The following TNFRSF1B variants were observed in gnomAD, a reference collection of about 807,000 sequenced individuals.
TNFRSF1B encodes the protein tumor necrosis factor receptor superfamily member 1B.
In TNFRSF1B, 19 loss-of-function variants were observed where a neutral mutation model predicts 44.6. The ratio of observed to expected loss-of-function variants is 0.43; its 90% CI spans 0.30 to 0.62. TNFRSF1B has a LOEUF of 0.62. Ranked by LOEUF, TNFRSF1B falls within the 20% of genes least tolerant of loss-of-function variation. The pLI is 0.16. For synonymous variants in TNFRSF1B, 252 were observed against 261.1 expected, an observed-to-expected ratio of 0.97 and a Z score of 0.34; for missense variants, 541 against 619.9, an observed-to-expected ratio of 0.87 and a Z score of 1.35.
At chr1:12,172,254 C>A (rs1402292473) in intron 1 of TNFRSF1B, among the ~76,000 whole-genome samples, 1 of 152,232 alleles carries the variant, frequency 6.6e-6, no homozygotes, top group Non-Finnish European at 1.5e-5. Context: ...GGAAGCAGCA[C>A]TGATGACTCT....
intron 4 of TNFRSF1B, 33 bp from the exon 5 acceptor site, chr1:12,192,398 G>T: frequency 6.2e-7 from 1 of 1,609,184 alleles, no homozygotes; most frequent in Non-Finnish European, 8.5e-7. Context: ...CAGAGTGTCT[G>T]AGTGGTTGAC....
intron 9 of TNFRSF1B, among the ~76,000 whole-genome samples, chr1:12,203,866 A>G (rs1307662420): frequency 6.6e-6 from 1 of 152,096 alleles, no homozygotes; most frequent in African/African-American, 2.4e-5. Flanking sequence ...AGTAGGCGGG[A>G]TTACAGGCAT....
In TNFRSF1B at chr1:12,206,702, C is replaced by T. The variant is rs773764020; in HGVS notation, c.1106-38C>T. ...GGGGTCCCTGGGCCCCACTCCTGGA[C>T]CCCCGGACTGACCCCCACCCCATCT... On this transcript the variant is annotated intron_variant, in intron 9 of 9. Coordinates refer to ENST00000376259, the MANE Select transcript of TNFRSF1B (RefSeq NM_001066.3). 119 of 1,530,766 alleles carry T rather than the reference C, an allele frequency of 7.8e-5. No homozygotes were observed. The Middle Eastern group carries it at 8.8e-4, about 11-fold the overall frequency. The allele number at this position is 1,530,766 out of a possible 1,614,324, so 94.8% of individuals were successfully genotyped here. A position where few individuals can be genotyped will look rare whatever the true frequency, so the allele number is the denominator to read the frequency against.
chr1:12,197,190 T>G (rs2101116570), intron 8 of TNFRSF1B, among the ~76,000 whole-genome samples: 1 of 152,210 alleles, frequency 6.6e-6, no homozygotes, highest in Non-Finnish European at 1.5e-5. Flanking sequence ...TCAAGTGATC[T>G]GCCCACCTCG....
In TNFRSF1B at chr1:12,186,816, G is replaced by T. The variant is rs929146104; in HGVS notation, c.79-1980G>T. ...CTGTGGGGGCCCCTGAAGGACTTGG[G>T]GTGTGTGTGTACACCCTCTTTGCTT... On this transcript the variant is annotated intron_variant, in intron 1 of 9. Coordinates refer to ENST00000376259, the MANE Select transcript of TNFRSF1B (RefSeq NM_001066.3). The surrounding 1 kb of genome is among the most constrained non-coding windows in gnomAD (Gnocchi z 4.8). Among the ~76,000 whole-genome samples, 1 of 152,174 alleles carries T rather than the reference G, an allele frequency of 6.6e-6. No homozygotes were observed. Among genetic ancestry groups the T allele is most frequent in the Non-Finnish European group, 1.5e-5 (1 of 68,032 alleles).
At chr1:12,183,630 TTATC>T (rs558919270) in intron 1 of TNFRSF1B, among the ~76,000 whole-genome samples, 120 of 151,692 alleles carry the variant, frequency 7.9e-4, no homozygotes, top group African/African-American at 2.9e-3. Context: ...TCTGTCTGTT[TTATC>T]TATCTAGCTA....
rs140439214 is a variant in TNFRSF1B at position 12,203,002 on chromosome 1, G to A, written c.1105+831G>A. On this transcript the variant is annotated intron_variant, in intron 9 of 9. Coordinates refer to ENST00000376259, the MANE Select transcript of TNFRSF1B (RefSeq NM_001066.3). ...GTCCCATTTATGCAGGCTGCATTGT[G>A]CCCTGGACCTGGTCTATGACAGATG... Among the ~76,000 whole-genome samples the A allele has an allele frequency of 9.8e-5, 15 of 152,338 alleles. No individual in the cohort carries two copies. The East Asian group carries it at 2.7e-3, about 27-fold the overall frequency.
At chr1:12,179,361 C>T (rs1638738305) in intron 1 of TNFRSF1B, among the ~76,000 whole-genome samples, 1 of 152,216 alleles carries the variant, frequency 6.6e-6, no homozygotes, top group South Asian at 2.1e-4. Flanking sequence ...TAGCTGCACC[C>T]TGCAGTCCAT....
chr1:12,194,677 G>T (rs1639228046), intron 8 of TNFRSF1B, 59 bp downstream of exon 8: 1 of 1,596,672 alleles, frequency 6.3e-7, no homozygotes, highest in Admixed American at 1.7e-5. Flanking sequence ...GGCGTGCTGG[G>T]CTGTCACAGA....
intron 8 of TNFRSF1B, 137 bp downstream of exon 8, chr1:12,194,755 G>C: frequency 9.1e-7 from 1 of 1,098,108 alleles, no homozygotes; most frequent in Non-Finnish European, 1.4e-6. Context: ...GGAGGTGGAG[G>C]AAAGGCCGGG....
chr1:12,173,307 G>T (rs1638562055), intron 1 of TNFRSF1B, among the ~76,000 whole-genome samples: 1 of 152,154 alleles, frequency 6.6e-6, no homozygotes, highest in East Asian at 1.9e-4. Context: ...AAAGTCTACA[G>T]GAAGGAGAGC....
At position 12,183,716 on chromosome 1, in the gene TNFRSF1B, TCTACCTA is replaced by T. The variant is rs1557629082; in HGVS notation, c.79-5079_79-5073del. ...TCTATCTATCTATCTATCTATTCTA[TCTACCTA>T]TCTATCTATCTATCTATCTATCTAT... is the stretch of plus-strand genomic sequence containing the variant. On this transcript the variant is annotated intron_variant, in intron 1 of 9. Coordinates refer to ENST00000376259, the MANE Select transcript of TNFRSF1B (RefSeq NM_001066.3). Among the ~76,000 whole-genome samples the T allele has an allele frequency of 1.1e-3, 121 of 106,370 alleles. 10 individuals carry two copies. Among genetic ancestry groups the T allele is most frequent in the East Asian group, 2.3e-3 (9 of 3,890 alleles). 69.8% of individuals were successfully genotyped at this position (106,370 alleles called of 152,430 possible). A position where few individuals can be genotyped will look rare whatever the true frequency, so the allele number is the denominator to read the frequency against.
chr1:12,200,904 A>G (rs1013861725), intron 8 of TNFRSF1B, among the ~76,000 whole-genome samples: 1 of 152,172 alleles, frequency 6.6e-6, no homozygotes, highest in Non-Finnish European at 1.5e-5. Flanking sequence ...TACAGGCATG[A>G]GCCACCAAGC....
chr1:12,182,904 G>A (rs1638843057), intron 1 of TNFRSF1B, among the ~76,000 whole-genome samples: 1 of 152,176 alleles, frequency 6.6e-6, no homozygotes, highest in South Asian at 2.1e-4. Context: ...TCAGCTTTGG[G>A]GCCCTTGGAG....
chr1:12,189,007 G>A (rs1004331301), intron 2 of TNFRSF1B, 112 bp downstream of exon 2: 7 of 890,850 alleles, frequency 7.9e-6, no homozygotes, highest in African/African-American at 1.7e-5. Flanking sequence ...CTAGTTCTAT[G>A]CACTGGCCCA....
intron 1 of TNFRSF1B, among the ~76,000 whole-genome samples, chr1:12,179,444 C>T (rs987020833): frequency 5.3e-5 from 8 of 152,230 alleles, no homozygotes; most frequent in South Asian, 2.1e-4. Flanking sequence ...AGGGGCCCCG[C>T]GACCCGCCAT....
chr1:12,191,858 A>G lies in TNFRSF1B; in HGVS notation c.392A>G (p.Gln131Arg), dbSNP rs767627829. Residue 131 changes from glutamine (Q) to arginine (R), a missense_variant, in exon 4 of 10, where the codon CAG becomes CGG. Gln to Arg is a conservative substitution (Grantham distance 43). Coordinates refer to ENST00000376259, the MANE Select transcript of TNFRSF1B (RefSeq NM_001066.3). ...RPGWYCALSK[Q>R]EGCRLCAPLR... is the part of the protein sequence containing the mutation. ...GGCTGGTACTGCGCGCTGAGCAAGC[A>G]GGAGGGGTGCCGGCTGTGCGCGCCG... 17 of 1,612,344 alleles carry G rather than the reference A, an allele frequency of 1.1e-5. No individual in the cohort carries two copies. In the African/African-American group the frequency reaches 1.7e-4, roughly 16 times the overall value.
Position 12,171,545 on chromosome 1 carries a change from C to G in TNFRSF1B, c.78+4376C>G, listed in dbSNP as rs1251057189. The stretch of plus-strand genomic sequence containing the variant: ...TTGTATTCCTGTATAATGCTCTTGA[C>G]CTATTCTATTTATTTCACTTTTATT... On this transcript the variant is annotated intron_variant, in intron 1 of 9. Coordinates refer to ENST00000376259, the MANE Select transcript of TNFRSF1B (RefSeq NM_001066.3). The surrounding 1 kb of genome is among the most constrained non-coding windows in gnomAD (Gnocchi z 4.5). Among the ~76,000 whole-genome samples, 1 of 152,198 alleles carries G rather than the reference C, an allele frequency of 6.6e-6. No individual in the cohort carries two copies. The highest frequency in any genetic ancestry group is 1.5e-5 in the Non-Finnish European group (1 of 68,036).
rs561813195 is a variant in TNFRSF1B at position 12,207,834 on chromosome 1, C to T, written c.*814C>T. The T allele has an allele frequency of 5.3e-5, 8 of 152,008 alleles. No homozygotes were observed. The highest frequency in any genetic ancestry group is 2.1e-4 in the South Asian group (1 of 4,818). The allele number at this position is 152,008 out of a possible 1,614,324, so 9.4% of individuals were successfully genotyped here. A position where few individuals can be genotyped will look rare whatever the true frequency, so the allele number is the denominator to read the frequency against. On this transcript the variant is annotated 3_prime_UTR_variant, in exon 10 of 10. Coordinates refer to ENST00000376259, the MANE Select transcript of TNFRSF1B (RefSeq NM_001066.3). ...CTGAGGCTGGGAAATCGTTTGAACC[C>T]GGGAAGCGGAGGTTGCAGGGAGCCG...
Sources: gnomAD v4.1 joint callset for allele counts (sites outside exome capture counted in the v4.1 genomes callset) on GRCh38, gnomAD v4.1.1 for gene constraint, Gnocchi (gnomAD v3.1) non-coding constraint, MANE v1.5 for transcripts, NCBI Gene and HGNC (gene_info 2026-07-23, HGNC 2026-07-21) for gene names.